The following DPYSL2 variants were observed in gnomAD, a reference collection of about 807,000 sequenced individuals.
The protein encoded by DPYSL2 is dihydropyrimidinase-related protein 2.
Under a neutral mutation model 69.9 loss-of-function variants are expected in DPYSL2, and 13 were observed. That is an observed-to-expected ratio of 0.19 (90% CI 0.12 to 0.30). DPYSL2 has a LOEUF of 0.30. DPYSL2 is among the 10% of genes least tolerant of loss of function. The pLI, the probability that DPYSL2 is intolerant of heterozygous loss-of-function variation, is 1.00. For missense variants in DPYSL2, 587 were observed against 918.9 expected, an observed-to-expected ratio of 0.64 and a Z score of 4.67; for synonymous variants, 326 against 359.1, an observed-to-expected ratio of 0.91 and a Z score of 1.04.
chr8:26,521,492 A>G (rs1263088777), intron 1 of DPYSL2, among the ~76,000 whole-genome samples: 1 of 148,302 alleles, frequency 6.7e-6, no homozygotes, highest in Non-Finnish European at 1.5e-5. Flanking sequence ...TTTTTTTCTT[A>G]TAATCGAGGC....
chr8:26,624,024 G>A lies in DPYSL2; in HGVS notation c.629-119G>A. 1 of 1,042,112 alleles carries A rather than the reference G, an allele frequency of 9.6e-7. No individual in the cohort carries two copies. The highest frequency in any genetic ancestry group is 1.4e-6 in the Non-Finnish European group (1 of 704,876). The allele number at this position is 1,042,112 out of a possible 1,614,324, so 64.6% of individuals were successfully genotyped here. The stretch of plus-strand genomic sequence containing the variant: ...TGGATTCTTAGAAGCTGGTTGTAGA[G>A]ATCACCATCTCGATTTTGAACCCAA... On this transcript the variant is annotated intron_variant, in intron 3 of 13. Transcript: ENST00000521913. The surrounding 1 kb of genome is among the most constrained non-coding windows in gnomAD (Gnocchi z 4.7).
chr8:26,536,264 A>T (rs1190497633), intron 1 of DPYSL2, among the ~76,000 whole-genome samples: 1 of 151,772 alleles, frequency 6.6e-6, no homozygotes, highest in Non-Finnish European at 1.5e-5. Context: ...TTTGGTAGAG[A>T]TGAGGTTTCA....
chr8:26,527,910 C>A (rs1403996610), intron 1 of DPYSL2, among the ~76,000 whole-genome samples: 1 of 149,280 alleles, frequency 6.7e-6, no homozygotes, highest in Non-Finnish European at 1.5e-5. Flanking sequence ...TCAAGCAATT[C>A]TCTTGCCTCA....
intron 3 of DPYSL2, 94 bp downstream of exon 3, chr8:26,584,077 G>T (rs1801545420): frequency 7.6e-6 from 10 of 1,307,658 alleles, no homozygotes; most frequent in Admixed American, 2.1e-5. Flanking sequence ...AAAACTTGCT[G>T]TCCTGAGCCA....
At chr8:26,532,358 T>C (rs572668725) in intron 1 of DPYSL2, among the ~76,000 whole-genome samples, 32 of 152,314 alleles carry the variant, frequency 2.1e-4, no homozygotes, top group African/African-American at 7.7e-4. Context: ...TGAACTTTGG[T>C]ACAAGTATTT....
chr8:26,587,196 T>C lies in DPYSL2; in HGVS notation c.628+3213T>C, dbSNP rs1801626650. 1.3e-5 allele frequency among the ~76,000 whole-genome samples: 2 copies of C among 152,208 alleles called. No individual in the cohort carries two copies. Among genetic ancestry groups the C allele is most frequent in the Admixed American group, 1.3e-4 (2 of 15,282 alleles). ...GCAAAGAGAAATAGCTTAATGCCAC[T>C]TCATTGGCACCTAAGACCTGCTACT... On this transcript the variant is annotated intron_variant, in intron 3 of 13. Transcript: ENST00000521913. This position sits in a 1 kb window ranked among gnomAD's most constrained non-coding sequence, Gnocchi z 4.2.
In DPYSL2 at chr8:26,655,641, C is replaced by T. The variant is rs1303581729; in HGVS notation, c.1969C>T (p.Arg657Cys). Reference protein sequence around the residue: ...SGAQIDDNIPRRTTQRIVAPP... With the variant: ...SGAQIDDNIPCRTTQRIVAPP... Reference sequence around the variant, plus strand: ...TGCTCAGATTGATGACAACATTCCCCGCCGCACCACCCAGCGTATCGTGGC... The same window carrying T: ...TGCTCAGATTGATGACAACATTCCCTGCCGCACCACCCAGCGTATCGTGGC... Residue 657 changes from arginine (R) to cysteine (C), a missense_variant, in exon 14 of 14, where the codon CGC becomes TGC. This residue lies in a region of DPYSL2 where 452 missense variants were observed against 754.3 expected (regional missense o/e 0.60). Coordinates refer to ENST00000521913, the MANE Select transcript of DPYSL2 (RefSeq NM_001197293.3). 3.7e-6 allele frequency: 6 copies of T among 1,610,638 alleles called. No homozygotes were observed. Among genetic ancestry groups the T allele is most frequent in the African/African-American group, 1.3e-5 (1 of 74,880 alleles).
intron 7 of DPYSL2, among the ~76,000 whole-genome samples, chr8:26,628,150 G>C (rs186200124): frequency 3.3e-5 from 5 of 152,332 alleles, no homozygotes; most frequent in Admixed American, 1.3e-4. Context: ...GGTGTGGACT[G>C]TTTCGCCAGA....
At chr8:26,559,323 A>G (rs1047869589) in intron 1 of DPYSL2, among the ~76,000 whole-genome samples, 2 of 152,228 alleles carry the variant, frequency 1.3e-5, no homozygotes, top group Admixed American at 1.3e-4. Context: ...AAATTTATAG[A>G]AAAGAAACTT....
rs1196134938 is a variant in DPYSL2 at position 26,591,056 on chromosome 8, AC to A, written c.628+7074del. Among the ~76,000 whole-genome samples, 1 of 152,122 alleles carries A rather than the reference AC, an allele frequency of 6.6e-6. No homozygotes were observed. The highest frequency in any genetic ancestry group is 2.4e-5 in the African/African-American group (1 of 41,426). On this transcript the variant is annotated intron_variant, in intron 3 of 13. Coordinates refer to ENST00000521913, the MANE Select transcript of DPYSL2 (RefSeq NM_001197293.3). This position sits in a 1 kb window ranked among gnomAD's most constrained non-coding sequence, Gnocchi z 5.8. Reference sequence around the variant, plus strand: ...CACCTGGCCCTGGGAGCTGGCAGTTACAGTGCTGGAAATGAGCCTGACTCAC... The same window carrying A: ...CACCTGGCCCTGGGAGCTGGCAGTTAAGTGCTGGAAATGAGCCTGACTCAC...
At chr8:26,592,660 A>G (rs1801766649) in intron 3 of DPYSL2, among the ~76,000 whole-genome samples, 1 of 151,238 alleles carries the variant, frequency 6.6e-6, no homozygotes. Flanking sequence ...TGTATTTAGT[A>G]GAGATGGGGT....
At chr8:26,637,642 C>T (rs910218941) in intron 8 of DPYSL2, 1 of 152,200 alleles carries the variant, frequency 6.6e-6, no homozygotes, top group African/African-American at 2.4e-5. Context: ...CACAAGGATT[C>T]CCAAATGACC....
rs764961335 is a variant in DPYSL2, at chr8:26,624,129, C to G, written c.629-14C>G. 3.1e-6 allele frequency: 5 copies of G among 1,613,862 alleles called. No homozygotes were observed. Among genetic ancestry groups the G allele is most frequent in the African/African-American group, 1.3e-5 (1 of 74,922 alleles). On this transcript the variant is annotated splice_polypyrimidine_tract_variant and intron_variant, in intron 3 of 13. Transcript: ENST00000521913. The surrounding 1 kb of genome is among the most constrained non-coding windows in gnomAD (Gnocchi z 4.7). ...GGCTCTTGGTGATGATGACATATGT[C>G]TGTTTCTTTCTAGTTGACCACGTTG...
chr8:26,626,818 C>A lies in DPYSL2; in HGVS notation c.855+140C>A, dbSNP rs969950393. The A allele has an allele frequency of 3.4e-6, 3 of 881,376 alleles. No homozygotes were observed. The highest frequency in any genetic ancestry group is 5.3e-6 in the Non-Finnish European group (3 of 563,766). 54.6% of individuals were successfully genotyped at this position (881,376 alleles called of 1,614,324 possible). A position where few individuals can be genotyped will look rare whatever the true frequency, so the allele number is the denominator to read the frequency against. On this transcript the variant is annotated intron_variant, in intron 5 of 13. Transcript: ENST00000521913. The surrounding 1 kb of genome is among the most constrained non-coding windows in gnomAD (Gnocchi z 4.3). ...CTGGTGGATGCAGTTACTGATGTAA[C>A]TGAGCCTTGGAAGAGAGTATGAACG...
At chr8:26,611,749 C>T (rs1381279801) in intron 3 of DPYSL2, among the ~76,000 whole-genome samples, 1 of 152,338 alleles carries the variant, frequency 6.6e-6, no homozygotes, top group East Asian at 1.9e-4. Flanking sequence ...ATTTCGTCAT[C>T]CTGCTTTACG....
At chr8:26,646,939 C>T (rs1161604697) in intron 10 of DPYSL2, among the ~76,000 whole-genome samples, 1 of 151,606 alleles carries the variant, frequency 6.6e-6, no homozygotes, top group Non-Finnish European at 1.5e-5. Context: ...GCTGTGATCA[C>T]TCTACTGCAC....
At chr8:26,651,737 A>G (rs577220620) in intron 11 of DPYSL2, among the ~76,000 whole-genome samples, 26 of 152,362 alleles carry the variant, frequency 1.7e-4, no homozygotes, top group African/African-American at 6.0e-4. Flanking sequence ...ACTAGCCCTC[A>G]ATCATTTTAT....
chr8:26,586,537 GT>G lies in DPYSL2; in HGVS notation c.628+2559del, dbSNP rs979827222. Among the ~76,000 whole-genome samples, 1 of 152,138 alleles carries G rather than the reference GT, an allele frequency of 6.6e-6. No individual in the cohort carries two copies. Among genetic ancestry groups the G allele is most frequent in the Non-Finnish European group, 1.5e-5 (1 of 68,020 alleles). ...TGCTTAGGCCCCCACTCTTGTTCTT[GT>G]TTTTGACTCTTTCCTGCCTTCCCTT... On this transcript the variant is annotated intron_variant, in intron 3 of 13. Coordinates refer to ENST00000521913, the MANE Select transcript of DPYSL2 (RefSeq NM_001197293.3). This position sits in a 1 kb window ranked among gnomAD's most constrained non-coding sequence, Gnocchi z 4.7.
rs569072355 is a variant in DPYSL2, at chr8:26,627,788, G to T, written c.937-84G>T. The T allele has an allele frequency of 1.4e-6, 2 of 1,396,506 alleles. No homozygotes were observed. Among genetic ancestry groups the T allele is most frequent in the Non-Finnish European group, 2.0e-6 (2 of 1,004,558 alleles). The allele number at this position is 1,396,506 out of a possible 1,614,324, so 86.5% of individuals were successfully genotyped here. ...CAGTGGTAATTTTCCATCTTGCCCG[G>T]ATAACTGCATGCCCGGGCCTCTGCC... On this transcript the variant is annotated intron_variant, in intron 6 of 13. Transcript: ENST00000521913. The surrounding 1 kb of genome is among the most constrained non-coding windows in gnomAD (Gnocchi z 6.9).
Sources: gnomAD v4.1 joint callset for allele counts (sites outside exome capture counted in the v4.1 genomes callset) on GRCh38, gnomAD v4.1.1 for gene constraint, gnomAD v4.1.1 regional missense constraint, Gnocchi (gnomAD v3.1) non-coding constraint, MANE v1.5 for transcripts, NCBI Gene and HGNC (gene_info 2026-07-23, HGNC 2026-07-21) for gene names.